DNAH7: variants seen among roughly 807,000 people sequenced by gnomAD.
The protein encoded by DNAH7 is axonemal beta dynein heavy chain 7.
In DNAH7, 397 loss-of-function variants were observed where a neutral mutation model predicts 444.6. The observed-to-expected ratio is 0.89, with a 90% confidence interval of 0.82 to 0.97. The LOEUF is 0.97. DNAH7 is among the 50% of genes least tolerant of loss of function. DNAH7 has a pLI of 0.00. For synonymous variants in DNAH7, 1,636 were observed against 1,624.4 expected (o/e 1.01, Z -0.17); for missense variants, 4,902 against 4,800.8 (o/e 1.02, Z -0.62).
At chr2:195,747,647 G>C (rs1349680504) in intron 63 of DNAH7, among the ~76,000 whole-genome samples, 1 of 152,064 alleles carries the variant, frequency 6.6e-6, no homozygotes, top group Admixed American at 6.6e-5. Context: ...ATGATCAAGT[G>C]GGCTTCATCC....
At chr2:195,925,308 C>T (rs1462430910) in intron 22 of DNAH7, among the ~76,000 whole-genome samples, 4 of 152,144 alleles carry the variant, frequency 2.6e-5, no homozygotes, top group African/African-American at 4.8e-5. Flanking sequence ...GGAGGCTGCA[C>T]GTCCCCTGGC....
intron 51 of DNAH7, among the ~76,000 whole-genome samples, chr2:195,811,823 A>AT (rs1243857831): frequency 6.6e-6 from 1 of 152,318 alleles, no homozygotes; most frequent in East Asian, 1.9e-4. Context: ...TTGCAAAATT[A>AT]TGAGAGTAAG....
rs1553535817 is a variant in DNAH7, at chr2:195,846,949, A to ATATG, written c.8782-1785_8782-1784insCATA. Among the ~76,000 whole-genome samples, 914 of 137,208 alleles carry ATATG rather than the reference A, an allele frequency of 6.7e-3. 5 individuals are homozygous for ATATG. Among genetic ancestry groups the ATATG allele is most frequent in the African/African-American group, 0.024 (837 of 35,264 alleles). 90.0% of individuals were successfully genotyped at this position (137,208 alleles called of 152,430 possible). A position where few individuals can be genotyped will look rare whatever the true frequency, so the allele number is the denominator to read the frequency against. On this transcript the variant is annotated intron_variant, in intron 46 of 64. Transcript: ENST00000312428. ...AATACTACGTAATAAACTCCCATAT[A>ATATG]TGTGTGTGTGTGTGTGTGTGTGTGT... is the stretch of plus-strand genomic sequence containing the variant.
intron 38 of DNAH7, among the ~76,000 whole-genome samples, chr2:195,874,837 A>T (rs559029817): frequency 5.5e-4 from 83 of 152,204 alleles, no homozygotes; most frequent in African/African-American, 1.9e-3. Flanking sequence ...AAACAAACAG[A>T]AAGTGTTCAA....
chr2:195,738,009 A>G lies in DNAH7; in HGVS notation c.11987T>C (p.Phe3996Ser), dbSNP rs968158119. The G allele has an allele frequency of 1.2e-6, 2 of 1,613,964 alleles. No individual in the cohort carries two copies. Among genetic ancestry groups the G allele is most frequent in the African/African-American group, 2.7e-5 (2 of 74,922 alleles). The change falls in exon 65 of 65, where the codon TTT (phenylalanine) becomes TCT (serine). Residue 3996 changes from phenylalanine to serine, a missense_variant. By Grantham distance (155) the Phe-to-Ser change is radical. Transcript: ENST00000312428. ...VLSTTGHSTN[F>S]VIAMTLPSDQ... ...AGAGGGAAGAGTCATGGCAATCACA[A>G]AATTCGTGGAATGGCCAGTGGTGGA...
intron 47 of DNAH7, among the ~76,000 whole-genome samples, chr2:195,838,142 C>T (rs1698480150): frequency 6.6e-6 from 1 of 152,024 alleles, no homozygotes; most frequent in South Asian, 2.1e-4. Flanking sequence ...ATAGTGAAGG[C>T]TTACAAATCT....
chr2:196,056,697 T>C (rs771138928), intron 2 of DNAH7, among the ~76,000 whole-genome samples: 1 of 152,218 alleles, frequency 6.6e-6, no homozygotes, highest in Non-Finnish European at 1.5e-5. Flanking sequence ...CCTACTGTGC[T>C]AATCAACTTG....
chr2:195,773,431 A>C (rs917145504), intron 60 of DNAH7, among the ~76,000 whole-genome samples: 10 of 151,558 alleles, frequency 6.6e-5, no homozygotes, highest in African/African-American at 2.4e-4. Context: ...AAAAAAAAAA[A>C]ACAAATCCAG....
At chr2:196,024,569 T>C (rs1695568019) in intron 7 of DNAH7, 65 bp from the exon 8 acceptor site, 6 of 876,824 alleles carry the variant, frequency 6.8e-6, no homozygotes, top group Non-Finnish European at 1.0e-5. Flanking sequence ...TTCCAAGCAA[T>C]TGCAAAGCTA....
Position 195,906,896 on chromosome 2 carries a change from T to G in DNAH7, c.4207+11A>C, listed in dbSNP as rs1687060422. 5 of 1,611,726 alleles carry G rather than the reference T, an allele frequency of 3.1e-6. No homozygotes were observed. Among genetic ancestry groups the G allele is most frequent in the Non-Finnish European group, 4.2e-6 (5 of 1,178,486 alleles). Reference sequence around the variant, plus strand: ...ATTTTCACATAATGCAAAGACAAACTAGTCCATTACCTCTTTGGATAGTAA... The same window carrying G: ...ATTTTCACATAATGCAAAGACAAACGAGTCCATTACCTCTTTGGATAGTAA... On this transcript the variant is annotated intron_variant, in intron 26 of 64. Coordinates refer to ENST00000312428, the MANE Select transcript of DNAH7 (RefSeq NM_018897.3).
At chr2:196,054,103 G>A (rs984078176) in intron 2 of DNAH7, among the ~76,000 whole-genome samples, 42 of 152,170 alleles carry the variant, frequency 2.8e-4, no homozygotes, top group Admixed American at 2.7e-3. Flanking sequence ...CCACCAATAG[G>A]TTCCAAAATA....
At chr2:195,941,269 G>A (rs1033121103) in intron 19 of DNAH7, among the ~76,000 whole-genome samples, 1 of 152,064 alleles carries the variant, frequency 6.6e-6, no homozygotes, top group African/African-American at 2.4e-5. Flanking sequence ...ACTAACACAG[G>A]AACAGAAAAC....
intron 19 of DNAH7, among the ~76,000 whole-genome samples, chr2:195,938,424 A>G (rs1232234918): frequency 6.6e-6 from 1 of 151,750 alleles, no homozygotes; most frequent in East Asian, 1.9e-4. Flanking sequence ...ATGTTCGCCT[A>G]AATCCAAATA....
rs74642909 is a variant in DNAH7, at chr2:196,045,904, G to A, written c.398+1448C>T. ...TACATTGGTAGAAGTCCACATATATGAGAAATACCAATAAATACAAACGGG... is the reference window on the plus strand; with the variant it reads ...TACATTGGTAGAAGTCCACATATATAAGAAATACCAATAAATACAAACGGG... On this transcript the variant is annotated intron_variant, in intron 5 of 64. Coordinates refer to ENST00000312428, the MANE Select transcript of DNAH7 (RefSeq NM_018897.3). 0.02 allele frequency among the ~76,000 whole-genome samples: 2,979 copies of A among 152,112 alleles called. 253 individuals carry two copies. In the East Asian group the frequency reaches 0.27, roughly 14 times the overall value.
intron 17 of DNAH7, among the ~76,000 whole-genome samples, chr2:195,966,556 T>A (rs1241554062): frequency 6.6e-6 from 1 of 152,228 alleles, no homozygotes; most frequent in Non-Finnish European, 1.5e-5. Flanking sequence ...TGTTTAACTC[T>A]CCAGCTATTA....
intron 15 of DNAH7, among the ~76,000 whole-genome samples, chr2:195,977,924 G>A (rs1692309634): frequency 6.6e-6 from 1 of 152,158 alleles, no homozygotes; most frequent in African/African-American, 2.4e-5. Flanking sequence ...AAAGGGGAAA[G>A]AAGAACTTTC....
intron 12 of DNAH7, among the ~76,000 whole-genome samples, chr2:195,992,991 GC>G (rs1453123719): frequency 6.6e-6 from 1 of 152,138 alleles, no homozygotes; most frequent in Admixed American, 6.5e-5. Context: ...TTAAGAAAAT[GC>G]CACTCACACA....
intron 12 of DNAH7, among the ~76,000 whole-genome samples, chr2:195,998,481 CAGG>C (rs1438386419): frequency 2.0e-5 from 3 of 149,264 alleles, no homozygotes; most frequent in African/African-American, 7.4e-5. Context: ...GGCTGAGCAG[CAGG>C]AGAATGGTGT....
Position 195,970,102 on chromosome 2 carries a change from A to T in DNAH7, c.2059-8T>A. On this transcript the variant is annotated splice_polypyrimidine_tract_variant and splice_region_variant and intron_variant, in intron 16 of 64. Transcript: ENST00000312428. ...AAACCGTTCACACCGTAACTAATAA[A>T]AACAATTTGTTGTTAATATTCTTAA... The T allele has an allele frequency of 6.3e-7, 1 of 1,588,298 alleles. No individual in the cohort carries two copies. Among genetic ancestry groups the T allele is most frequent in the Non-Finnish European group, 8.5e-7 (1 of 1,171,476 alleles).
Sources: allele counts gnomAD v4.1 joint callset (sites outside exome capture counted in the v4.1 genomes callset), GRCh38; gene constraint gnomAD v4.1.1; transcripts MANE v1.5; gene names NCBI Gene and HGNC (gene_info 2026-07-23, HGNC 2026-07-21).